XAB2: variants seen among roughly 807,000 people sequenced by gnomAD.
The protein encoded by XAB2 is pre-mRNA-splicing factor SYF1.
In XAB2, 57 loss-of-function variants were observed where a neutral mutation model predicts 113.4. The observed-to-expected ratio is 0.50, with a 90% CI of 0.41 to 0.63. The LOEUF (loss-of-function observed/expected upper bound fraction) is 0.63. Ranked by LOEUF, XAB2 falls within the 20% of genes least tolerant of loss-of-function variation. XAB2 has a pLI of 0.00. For synonymous variants in XAB2, 497 were observed against 498.8 expected, an observed-to-expected ratio of 1.00 and a Z score of 0.05; for missense variants, 1,037 against 1,233.3, an observed-to-expected ratio of 0.84 and a Z score of 2.38.
rs565910547 is a variant in XAB2 at position 7,627,076 on chromosome 19, T to C, written c.522+167A>G. Reference sequence around the variant, plus strand: ...TAATGTGAAACCAGTGTGAACAAACTATTTGGAAAATAAAGACATGAATCA... The same window carrying C: ...TAATGTGAAACCAGTGTGAACAAACCATTTGGAAAATAAAGACATGAATCA... On this transcript the variant is annotated intron_variant, in intron 4 of 18. Coordinates refer to ENST00000358368, the MANE Select transcript of XAB2 (RefSeq NM_020196.3). The surrounding 1 kb of genome is among the most constrained non-coding windows in gnomAD (Gnocchi z 4.5). Among the ~76,000 whole-genome samples, 2 of 152,372 alleles carry C rather than the reference T, an allele frequency of 1.3e-5. No homozygotes were observed. Among genetic ancestry groups the C allele is most frequent in the East Asian group, 3.9e-4 (2 of 5,192 alleles).
In XAB2 at chr19:7,620,850, A is replaced by G. The variant is rs2031016039; in HGVS notation, c.1967T>C (p.Ile656Thr). 6.3e-7 allele frequency: 1 copy of G among 1,581,170 alleles called. No individual in the cohort carries two copies. The highest frequency in any genetic ancestry group is 8.6e-7 in the Non-Finnish European group (1 of 1,162,082). ...THTRGIYQKA[I>T]EVLSDEHARE... is the part of the protein sequence containing the mutation. ...CCAGCCCCCCACGGTGGGTACCTCA[A>G]TGGCCTTCTGGTAGATGCCGCGGGT... The change falls in exon 14 of 19, where the codon ATT becomes ACT. Residue 656 changes from isoleucine (I) to threonine (T), a missense_variant. Coordinates refer to ENST00000358368, the MANE Select transcript of XAB2 (RefSeq NM_020196.3).
chr19:7,621,095 G>GCCCCCCCCCCCCCCCCCCCCCCCCCCCC, intron 13 of XAB2, 40 bp downstream of exon 13: 1 of 1,486,328 alleles, frequency 6.7e-7, no homozygotes, highest in Non-Finnish European at 9.0e-7. Context: ...CAGAAACCCA[G>GCCCCCCCCCCCCCCCCCCCCCCCCCCCC]CCCGCCCGCC....
Position 7,627,917 on chromosome 19 carries a change from C to A in XAB2, c.201-66G>T. ...ATGGACACCCCCAGAACCATTTGCC[C>A]TGCCCCAGTTGGCAAATGTGGGAAG... On this transcript the variant is annotated intron_variant, in intron 2 of 18. Coordinates refer to ENST00000358368, the MANE Select transcript of XAB2 (RefSeq NM_020196.3). The surrounding 1 kb of genome is among the most constrained non-coding windows in gnomAD (Gnocchi z 4.5). The A allele has an allele frequency of 6.3e-7, 1 of 1,575,294 alleles. No individual in the cohort carries two copies. The highest frequency in any genetic ancestry group is 1.1e-5 in the South Asian group (1 of 86,978).
In XAB2 at chr19:7,629,542, A is replaced by C. The variant is rs766949993; in HGVS notation, c.-15T>G. 6.2e-7 allele frequency: 1 copy of C among 1,600,570 alleles called. No homozygotes were observed. The highest frequency in any genetic ancestry group is 1.1e-5 in the South Asian group (1 of 88,830). On this transcript the variant is annotated 5_prime_UTR_variant, in exon 1 of 19. Transcript: ENST00000358368. ...ATCACCACCATTTTTCTGGATGCCC[A>C]GGTACAGGAGAGAGTCGCGCGCTTA...
rs1164793145 is a variant in XAB2, at chr19:7,623,882, T to C, written c.968A>G (p.Asp323Gly). The C allele has an allele frequency of 3.8e-6, 6 of 1,570,596 alleles. No individual in the cohort carries two copies. Among genetic ancestry groups the C allele is most frequent in the Non-Finnish European group, 4.3e-6 (5 of 1,162,146 alleles). The part of the protein sequence containing the change: ...TASELGREEE[D>G]DVDLELRLAR... ...CAGGCGCAGCTCCAGGTCCACATCA[T>C]CTGGGAGCCGCGAACATGTTTGTCA... Residue 323 changes from aspartate (D) to glycine (G), a missense_variant and splice_region_variant, in exon 8 of 19, where the codon GAT becomes GGT. Transcript: ENST00000358368. The surrounding 1 kb of genome is among the most constrained non-coding windows in gnomAD (Gnocchi z 4.6).
chr19:7,627,834 C>A lies in XAB2; in HGVS notation c.218G>T (p.Arg73Leu), dbSNP rs1201995674. The change falls in exon 3 of 19, where the codon CGA becomes CTA. Residue 73 changes from arginine (R) to leucine (L), a missense_variant. Coordinates refer to ENST00000358368, the MANE Select transcript of XAB2 (RefSeq NM_020196.3). The surrounding 1 kb of genome is among the most constrained non-coding windows in gnomAD (Gnocchi z 4.5). ...LLPCSYKLWY[R>L]YLKARRAQVK... ...CTGTGCCCGACGCGCCTTCAGGTAT[C>A]GGTACCAGAGTTTGTAGCTGGGGAA... 1.9e-6 allele frequency: 3 copies of A among 1,613,764 alleles called. No individual in the cohort carries two copies. Among genetic ancestry groups the A allele is most frequent in the Non-Finnish European group, 2.5e-6 (3 of 1,179,864 alleles).
At position 7,619,548 on chromosome 19, in the gene XAB2, G is replaced by T; in HGVS notation, c.*38C>A. ...CATGATGTACAAACGTAGCTGTATT[G>T]GGGAGGGGGTGGGGAGGGGGGATGG... On this transcript the variant is annotated 3_prime_UTR_variant, in exon 19 of 19. Transcript: ENST00000358368. 6.9e-7 allele frequency: 1 copy of T among 1,448,764 alleles called. No homozygotes were observed. 89.7% of individuals were successfully genotyped at this position (1,448,764 alleles called of 1,614,324 possible). A position where few individuals can be genotyped will look rare whatever the true frequency, so the allele number is the denominator to read the frequency against.
rs4134828 is a variant in XAB2, at chr19:7,627,129, C to T, written c.522+114G>A. ...GACAACAACAAAACACATGCATCTC[C>T]AGGAGCCTCTTCCCACATCCCGTCT... On this transcript the variant is annotated intron_variant, in intron 4 of 18. Transcript: ENST00000358368. The surrounding 1 kb of genome is among the most constrained non-coding windows in gnomAD (Gnocchi z 4.5). 1.8e-4 allele frequency: 214 copies of T among 1,218,244 alleles called. No homozygotes were observed. Among genetic ancestry groups the T allele is most frequent in the Non-Finnish European group, 1.8e-4 (157 of 862,792 alleles). The allele number at this position is 1,218,244 out of a possible 1,614,324, so 75.5% of individuals were successfully genotyped here. A position where few individuals can be genotyped will look rare whatever the true frequency, so the allele number is the denominator to read the frequency against.
rs1247345573 is a variant in XAB2 at position 7,626,171 on chromosome 19, G to A, written c.622C>T (p.Arg208Cys). Reference protein sequence around the residue: ...QRLATVVNDERFVSKAGKSNY... With the variant: ...QRLATVVNDECFVSKAGKSNY... ...GACTTGCCGGCCTTAGACACGAAAC[G>A]CTCGTCGTTCACCACGGTGGCCAGG... Residue 208 changes from arginine to cysteine, a missense_variant, in exon 5 of 19, where the codon CGT becomes TGT. Coordinates refer to ENST00000358368, the MANE Select transcript of XAB2 (RefSeq NM_020196.3). 16 of 1,613,566 alleles carry A rather than the reference G, an allele frequency of 9.9e-6. No individual in the cohort carries two copies. Among genetic ancestry groups the A allele is most frequent in the Admixed American group, 3.3e-5 (2 of 60,002 alleles).
In XAB2 at chr19:7,624,178, GC is replaced by G. The variant is rs2031092713; in HGVS notation, c.967+122del. ...CCCCCACACCCCCTGCATCCACTCA[GC>G]CTCCTTCCCTGCTGGCCCCCAGCTG... On this transcript the variant is annotated intron_variant, in intron 7 of 18. Transcript: ENST00000358368. The surrounding 1 kb of genome is among the most constrained non-coding windows in gnomAD (Gnocchi z 4.2). 6.7e-7 allele frequency: 1 copy of G among 1,486,946 alleles called. No homozygotes were observed. The highest frequency in any genetic ancestry group is 9.1e-7 in the Non-Finnish European group (1 of 1,094,440). The allele number at this position is 1,486,946 out of a possible 1,614,324, so 92.1% of individuals were successfully genotyped here. A position where few individuals can be genotyped will look rare whatever the true frequency, so the allele number is the denominator to read the frequency against.
intron 1 of XAB2, among the ~76,000 whole-genome samples, chr19:7,629,038 C>A (rs1202586615): frequency 6.6e-6 from 1 of 152,208 alleles, no homozygotes; most frequent in African/African-American, 2.4e-5. Context: ...GCCTGGCCAC[C>A]ACCCCAGAAA....
In XAB2 at chr19:7,627,326, G is replaced by A. The variant is rs143346745; in HGVS notation, c.439C>T (p.Arg147Ter). Residue 147 changes from arginine (R) to a stop codon, truncating the protein, a stop_gained, in exon 4 of 19, where the codon CGA becomes TGA. Transcript: ENST00000358368. LOFTEE classifies it high-confidence loss of function. This position sits in a 1 kb window ranked among gnomAD's most constrained non-coding sequence, Gnocchi z 4.5. ...AAGCGCAGATACAGGGGCCAAATTC[G>A]AGAGTGCTGCGTGATGGGCAGTGCC... ...LRALPITQHS[R>*]IWPLYLRFLR... The A allele has an allele frequency of 3.7e-6, 6 of 1,613,662 alleles. No individual in the cohort carries two copies. Among genetic ancestry groups the A allele is most frequent in the Non-Finnish European group, 4.2e-6 (5 of 1,180,008 alleles).
chr19:7,621,431 G>A, intron 12 of XAB2, 134 bp from the exon 13 acceptor site: 1 of 935,514 alleles, frequency 1.1e-6, no homozygotes, highest in South Asian at 1.5e-5. Context: ...ACGCCTCCCT[G>A]TCCCTAATGG....
At position 7,627,506 on chromosome 19, in the gene XAB2, G is replaced by A. The variant is rs1184017147; in HGVS notation, c.325-66C>T. On this transcript the variant is annotated intron_variant, in intron 3 of 18. Transcript: ENST00000358368. The surrounding 1 kb of genome is among the most constrained non-coding windows in gnomAD (Gnocchi z 4.5). ...CTCCATGGCCTGGCCACAGACACTC[G>A]ATGTCCTGTGGCTGAGCCACACCTG... is the stretch of plus-strand genomic sequence containing the variant. 28 of 1,561,026 alleles carry A rather than the reference G, an allele frequency of 1.8e-5. No individual in the cohort carries two copies. In the East Asian group the frequency reaches 5.1e-4, roughly 29 times the overall value.
Position 7,619,870 on chromosome 19 carries a change from A to T in XAB2, c.2397-14T>A. ...GAGGCGTCACTCCTAGGGACGGGCCATGCTGCCTCAGTTCCCCACCCCGGG... is the reference window on the plus strand; with the variant it reads ...GAGGCGTCACTCCTAGGGACGGGCCTTGCTGCCTCAGTTCCCCACCCCGGG... On this transcript the variant is annotated splice_polypyrimidine_tract_variant and intron_variant, in intron 17 of 18. Transcript: ENST00000358368. 2.5e-6 allele frequency: 4 copies of T among 1,611,002 alleles called. No individual in the cohort carries two copies. Among genetic ancestry groups the T allele is most frequent in the Non-Finnish European group, 3.4e-6 (4 of 1,179,858 alleles).
In XAB2 at chr19:7,621,128, G is replaced by A. The variant is rs1056250716; in HGVS notation, c.1780+7C>T. The A allele has an allele frequency of 1.6e-5, 8 of 514,320 alleles. No individual in the cohort carries two copies. The highest frequency in any genetic ancestry group is 8.0e-5 in the South Asian group (3 of 37,598). 31.9% of individuals were successfully genotyped at this position (514,320 alleles called of 1,614,324 possible). A position where few individuals can be genotyped will look rare whatever the true frequency, so the allele number is the denominator to read the frequency against. Reference sequence around the variant, plus strand: ...GCCACCCCCCCCATGCCCTCTGCCCGCCTCACTCTTGGCATATTTTGGGGG... The same window carrying A: ...GCCACCCCCCCCATGCCCTCTGCCCACCTCACTCTTGGCATATTTTGGGGG... On this transcript the variant is annotated splice_region_variant and intron_variant, in intron 13 of 18. Coordinates refer to ENST00000358368, the MANE Select transcript of XAB2 (RefSeq NM_020196.3).
rs769108296 is a variant in XAB2, at chr19:7,619,740, C to A, written c.2506+7G>T. Reference sequence around the variant, plus strand: ...TGCCACCGTCCCCGCCCCAGCCGGGCCCTCACCGTTGGGCTCCAGGTCCAT... The same window carrying A: ...TGCCACCGTCCCCGCCCCAGCCGGGACCTCACCGTTGGGCTCCAGGTCCAT... On this transcript the variant is annotated splice_region_variant and intron_variant, in intron 18 of 18. Transcript: ENST00000358368. The A allele has an allele frequency of 6.2e-6, 10 of 1,613,450 alleles. No homozygotes were observed. In the East Asian group the frequency reaches 2.2e-4, roughly 36 times the overall value.
In XAB2 at chr19:7,624,279, G is replaced by C. The variant is rs544723717; in HGVS notation, c.967+22C>G. The C allele has an allele frequency of 9.3e-6, 15 of 1,611,200 alleles. No homozygotes were observed. Among genetic ancestry groups the C allele is most frequent in the Admixed American group, 3.3e-5 (2 of 59,996 alleles). ...TGTCCACTCAGCTCTCTCCCCACCA[G>C]CCGGGGCCCCCAGAGGCTCACCCTC... is the stretch of plus-strand genomic sequence containing the variant. On this transcript the variant is annotated intron_variant, in intron 7 of 18. Coordinates refer to ENST00000358368, the MANE Select transcript of XAB2 (RefSeq NM_020196.3). This position sits in a 1 kb window ranked among gnomAD's most constrained non-coding sequence, Gnocchi z 4.2.
At position 7,623,735 on chromosome 19, in the gene XAB2, C is replaced by G; in HGVS notation, c.1115G>C (p.Arg372Pro). The G allele has an allele frequency of 1.3e-6, 2 of 1,599,402 alleles. No individual in the cohort carries two copies. Among genetic ancestry groups the G allele is most frequent in the Non-Finnish European group, 1.7e-6 (2 of 1,174,372 alleles). ...KRVALHQGRP[R>P]EIINTYTEAV... is the part of the protein sequence containing the mutation. ...ACTGGGGCAGGCTTCATGTACCTCC[C>G]GGGGGCGGCCCTGGTGCAGGGCGAC... Residue 372 changes from arginine to proline, a missense_variant, in exon 8 of 19, where the codon CGG becomes CCG. Arg to Pro is a moderately radical substitution (Grantham distance 103). Transcript: ENST00000358368. The surrounding 1 kb of genome is among the most constrained non-coding windows in gnomAD (Gnocchi z 4.6).
Sources: allele counts gnomAD v4.1 joint callset (sites outside exome capture counted in the v4.1 genomes callset), GRCh38; gene constraint gnomAD v4.1.1; non-coding constraint Gnocchi (gnomAD v3.1); transcripts MANE v1.5; gene names NCBI Gene and HGNC (gene_info 2026-07-23, HGNC 2026-07-21).